Variants in NOX4 observed in about 807,000 individuals in gnomAD.
The protein encoded by NOX4 is NADPH oxidase 4.
NOX4 carries 69 observed loss-of-function variants against 87.6 expected under a neutral mutation model. The ratio of observed to expected loss-of-function variants is 0.79; its 90% CI spans 0.65 to 0.96. The LOEUF is 0.96. Ranked by LOEUF, NOX4 falls within the 40% of genes least tolerant of loss-of-function variation. The pLI is 0.00. For missense variants in NOX4, 680 were observed against 681.5 expected (o/e 1.00, Z 0.02); for synonymous variants, 275 against 238.2 (o/e 1.15, Z -1.42).
chr11:89,327,116 A>G (rs984513794), intron 17 of NOX4, among the ~76,000 whole-genome samples: 1 of 152,198 alleles, frequency 6.6e-6, no homozygotes, highest in Admixed American at 6.5e-5. Context: ...TATGAGCACA[A>G]ATATGCTTAT....
chr11:89,362,831 T>C lies in NOX4; in HGVS notation c.1136-7788A>G, dbSNP rs1938634276. ...CACAATACACACAAACACACACACA[T>C]GATGCTTGAAATAGAAGGTACAAAT... On this transcript the variant is annotated intron_variant, in intron 12 of 17. Coordinates refer to ENST00000263317, the MANE Select transcript of NOX4 (RefSeq NM_016931.5). Among the ~76,000 whole-genome samples the C allele has an allele frequency of 2.0e-5, 3 of 151,980 alleles. No homozygotes were observed. The South Asian group carries it at 6.2e-4, about 31-fold the overall frequency.
At chr11:89,484,713 T>C (rs920700318) in intron 2 of NOX4, among the ~76,000 whole-genome samples, 3 of 152,120 alleles carry the variant, frequency 2.0e-5, no homozygotes, top group Non-Finnish European at 4.4e-5. Context: ...TCAGTGTCTA[T>C]TGTAAATAGA....
the NOX4 span, among the ~76,000 whole-genome samples, chr11:89,523,631 G>C: frequency 6.6e-6 from 1 of 152,072 alleles, no homozygotes; most frequent in African/African-American, 2.4e-5. Context: ...GTATTTAATG[G>C]AGAGAAAATG....
At chr11:89,388,037 C>G (rs983869640) in intron 11 of NOX4, among the ~76,000 whole-genome samples, 1 of 152,150 alleles carries the variant, frequency 6.6e-6, no homozygotes, top group African/African-American at 2.4e-5. Context: ...CTTCAACAGT[C>G]TATGCTTTAG....
rs1398388164 is a variant in NOX4, at chr11:89,325,493, T to A, written c.*1263A>T. On this transcript the variant is annotated 3_prime_UTR_variant, in exon 18 of 18. Transcript: ENST00000263317. ...AGCCAGGGAACATAAGTTTATAAGA[T>A]CACACAGTGTAGTTCCAACGGTGAC... 2.0e-5 allele frequency: 3 copies of A among 152,110 alleles called. No individual in the cohort carries two copies. Among genetic ancestry groups the A allele is most frequent in the Admixed American group, 6.5e-5 (1 of 15,270 alleles). 9.4% of individuals were successfully genotyped at this position (152,110 alleles called of 1,614,324 possible).
intron 13 of NOX4, among the ~76,000 whole-genome samples, chr11:89,345,331 G>A (rs1379094512): frequency 2.0e-5 from 3 of 152,136 alleles, no homozygotes; most frequent in African/African-American, 4.8e-5. Flanking sequence ...AACTTAGGAT[G>A]GTTCAATTTA....
intron 12 of NOX4, among the ~76,000 whole-genome samples, chr11:89,364,804 C>G (rs1938820171): frequency 1.3e-5 from 2 of 152,004 alleles, no homozygotes; most frequent in South Asian, 4.1e-4. Flanking sequence ...AATAATTATA[C>G]CACTTTACAG....
the NOX4 span, among the ~76,000 whole-genome samples, chr11:89,547,497 C>A: frequency 6.6e-6 from 1 of 151,982 alleles, no homozygotes; most frequent in South Asian, 2.1e-4. Flanking sequence ...AAGTGTAGTC[C>A]CTGAAACTAC....
chr11:89,335,772 T>G, intron 17 of NOX4, 73 bp downstream of exon 17: 4 of 683,776 alleles, frequency 5.8e-6, no homozygotes, highest in Non-Finnish European at 9.4e-6. Flanking sequence ...ATTTTCAAAC[T>G]TCATGTAATT....
At chr11:89,350,759 A>G (rs1946421871) in intron 13 of NOX4, among the ~76,000 whole-genome samples, 2 of 152,186 alleles carry the variant, frequency 1.3e-5, no homozygotes, top group African/African-American at 4.8e-5. Context: ...CAAAGCTACA[A>G]ATTCTTTGAC....
At chr11:89,496,870 G>C (rs183549885), upstream of NOX4, among the ~76,000 whole-genome samples, 1 of 152,218 alleles carries the variant, frequency 6.6e-6, no homozygotes. Flanking sequence ...AGGTAGGAAG[G>C]TAGGTAAGGC....
At chr11:89,507,219 C>T in the NOX4 span, among the ~76,000 whole-genome samples, 9 of 151,692 alleles carry the variant, frequency 5.9e-5, no homozygotes, top group East Asian at 1.9e-4. Flanking sequence ...GGGATGGATA[C>T]GTGCATTATC....
the NOX4 span, among the ~76,000 whole-genome samples, chr11:89,509,084 G>T: frequency 6.6e-6 from 1 of 151,754 alleles, no homozygotes; most frequent in African/African-American, 2.4e-5. Context: ...TCATAATTCT[G>T]TTCCTCAAAA....
intron 14 of NOX4, 108 bp from the exon 15 acceptor site, chr11:89,340,279 T>A: frequency 1.4e-6 from 1 of 693,274 alleles, no homozygotes; most frequent in Admixed American, 3.0e-5. Context: ...CCAATAGAAA[T>A]ATCCAATAGA....
At chr11:89,392,301 A>G (rs1385581574) in intron 11 of NOX4, among the ~76,000 whole-genome samples, 2 of 152,118 alleles carry the variant, frequency 1.3e-5, no homozygotes, top group Non-Finnish European at 2.9e-5. Flanking sequence ...GAGCCTTCAT[A>G]CTGAGGGCTC....
At chr11:89,517,472 T>C in the NOX4 span, among the ~76,000 whole-genome samples, 12 of 151,990 alleles carry the variant, frequency 7.9e-5, no homozygotes, top group Non-Finnish European at 1.8e-4. Context: ...TATTTATTTA[T>C]TTATTCATTT....
intron 9 of NOX4, 123 bp downstream of exon 9, chr11:89,402,203 T>C: frequency 1.3e-6 from 1 of 753,156 alleles, no homozygotes. Flanking sequence ...TAACTTACTG[T>C]TGAAACATCC....
chr11:89,383,234 C>T (rs1318537778), intron 11 of NOX4, among the ~76,000 whole-genome samples: 1 of 152,196 alleles, frequency 6.6e-6, no homozygotes, highest in African/African-American at 2.4e-5. Flanking sequence ...CCTTAAGGAC[C>T]TCCTCCCTCA....
At chr11:89,469,569 A>T (rs513925) in intron 2 of NOX4, among the ~76,000 whole-genome samples, 8,363 of 152,110 alleles carry the variant, frequency 0.055, 817 homozygotes, top group African/African-American at 0.19. Context: ...GCGCCTTACA[A>T]ACCATCCAGT....
Sources: gnomAD v4.1 joint callset for allele counts (sites outside exome capture counted in the v4.1 genomes callset) on GRCh38, gnomAD v4.1.1 for gene constraint, MANE v1.5 for transcripts, NCBI Gene and HGNC (gene_info 2026-07-23, HGNC 2026-07-21) for gene names.